The following TYW1 variants were observed in gnomAD, a reference collection of about 807,000 sequenced individuals.
TYW1 encodes the protein tRNA-yW synthesizing protein 1 homolog.
TYW1 carries 46 observed loss-of-function variants against 96.2 expected under a neutral mutation model. That is an observed-to-expected ratio of 0.48 (90% CI 0.38 to 0.61). TYW1 has a LOEUF of 0.61. TYW1 is among the 20% of genes least tolerant of loss of function. The pLI is 0.00. For missense variants in TYW1, 684 were observed against 909.6 expected (o/e 0.75, Z 3.19); for synonymous variants, 274 against 323.0 (o/e 0.85, Z 1.63).
At chr7:67,135,003 C>T (rs1393403144) in intron 13 of TYW1, among the ~76,000 whole-genome samples, 2 of 149,896 alleles carry the variant, frequency 1.3e-5, no homozygotes, top group Non-Finnish European at 3.0e-5. Flanking sequence ...TTCTTGTAGT[C>T]CCACCTACTT....
In TYW1 at chr7:67,173,051, A is replaced by T. The variant is rs537017843; in HGVS notation, c.1699-10075A>T. Among the ~76,000 whole-genome samples, 11 of 152,362 alleles carry T rather than the reference A, an allele frequency of 7.2e-5. No homozygotes were observed. The East Asian group carries it at 2.1e-3, about 29-fold the overall frequency. ...CCCTGTCTCAAAAAACAAAAACAAA[A>T]AAATTAAAAACAAAATATAAACACA... On this transcript the variant is annotated intron_variant, in intron 13 of 15. Coordinates refer to ENST00000359626, the MANE Select transcript of TYW1 (RefSeq NM_018264.4).
chr7:67,092,053 C>A (rs1438500052), intron 11 of TYW1, among the ~76,000 whole-genome samples: 1 of 152,170 alleles, frequency 6.6e-6, no homozygotes, highest in Non-Finnish European at 1.5e-5. Flanking sequence ...CGTGGTCCTC[C>A]TCCCTGTCCT....
chr7:67,174,824 T>C (rs1381165291), intron 13 of TYW1, among the ~76,000 whole-genome samples: 1 of 151,764 alleles, frequency 6.6e-6, no homozygotes, highest in Admixed American at 6.6e-5. Context: ...GAAATGAAAA[T>C]GAAACATCAC....
intron 13 of TYW1, 113 bp downstream of exon 13, chr7:67,117,731 T>C: frequency 1.5e-6 from 2 of 1,295,370 alleles, no homozygotes; most frequent in Non-Finnish European, 2.0e-6. Flanking sequence ...CTTTTCTCTT[T>C]AAAATAAAAA....
At chr7:67,135,611 T>G (rs1798229855) in intron 13 of TYW1, among the ~76,000 whole-genome samples, 2 of 151,340 alleles carry the variant, frequency 1.3e-5, no homozygotes, top group Admixed American at 6.6e-5. Context: ...CCAACAGTTT[T>G]TTTTTTTTTT....
At chr7:67,035,771 A>G (rs2129253018) in intron 7 of TYW1, among the ~76,000 whole-genome samples, 1 of 152,118 alleles carries the variant, frequency 6.6e-6, no homozygotes. Context: ...TCTACCTTCC[A>G]GGTTCAAGCG....
At chr7:67,066,164 C>T (rs1329389229) in intron 9 of TYW1, among the ~76,000 whole-genome samples, 1 of 152,108 alleles carries the variant, frequency 6.6e-6, no homozygotes, top group Non-Finnish European at 1.5e-5. Flanking sequence ...TGGATGACTT[C>T]CTCTGTTTTG....
At chr7:67,190,046 A>G (rs1800159579) in intron 14 of TYW1, among the ~76,000 whole-genome samples, 1 of 151,762 alleles carries the variant, frequency 6.6e-6, no homozygotes, top group African/African-American at 2.4e-5. Context: ...ACACCTTGAG[A>G]ATAGGACGTG....
chr7:67,041,032 A>T (rs999893052), intron 7 of TYW1, among the ~76,000 whole-genome samples: 2 of 152,124 alleles, frequency 1.3e-5, no homozygotes, highest in Non-Finnish European at 2.9e-5. Flanking sequence ...TTTGGGCTTT[A>T]TGAGCTTTAA....
intron 13 of TYW1, among the ~76,000 whole-genome samples, chr7:67,156,036 TAGGGCTTTGCTGGGAAGGGGATACC>T (rs1009009932): frequency 6.6e-6 from 1 of 152,142 alleles, no homozygotes; most frequent in Admixed American, 6.5e-5. Flanking sequence ...GAGGCTGTGG[TAGGGCTTTGCTGGGAAGGGGATACC>T]AGCCCGATCA....
At chr7:67,037,064 A>G (rs541419266) in intron 7 of TYW1, among the ~76,000 whole-genome samples, 23 of 152,236 alleles carry the variant, frequency 1.5e-4, no homozygotes, top group African/African-American at 5.5e-4. Flanking sequence ...TGATTGATTA[A>G]TTGATTGCCT....
At chr7:67,235,435 C>T (rs1042848776) in intron 15 of TYW1, among the ~76,000 whole-genome samples, 1 of 152,134 alleles carries the variant, frequency 6.6e-6, no homozygotes, top group Non-Finnish European at 1.5e-5. Context: ...GTCAGTCACC[C>T]CAGGCTCAGT....
intron 10 of TYW1, among the ~76,000 whole-genome samples, chr7:67,074,229 A>T (rs1301063614): frequency 6.6e-6 from 1 of 152,214 alleles, no homozygotes; most frequent in Non-Finnish European, 1.5e-5. Context: ...GGATCACATC[A>T]TACTTAGGTT....
chr7:67,187,726 A>G (rs1392155271), intron 14 of TYW1, among the ~76,000 whole-genome samples: 1 of 152,228 alleles, frequency 6.6e-6, no homozygotes, highest in Non-Finnish European at 1.5e-5. Flanking sequence ...TCAATGTTGT[A>G]TGTTCAGATG....
At chr7:67,111,092 G>A (rs1325242563) in intron 12 of TYW1, among the ~76,000 whole-genome samples, 1 of 152,116 alleles carries the variant, frequency 6.6e-6, no homozygotes, top group Non-Finnish European at 1.5e-5. Flanking sequence ...ACACATGAAA[G>A]GAAACAGAAT....
chr7:67,078,467 T>G (rs1223533243), intron 10 of TYW1, among the ~76,000 whole-genome samples: 1 of 152,174 alleles, frequency 6.6e-6, no homozygotes, highest in Admixed American at 6.5e-5. Context: ...CTTTGGCTAT[T>G]TGGGGATTTT....
In TYW1 at chr7:67,073,820, C is replaced by T. The variant is rs924877980; in HGVS notation, c.1274+6417C>T. 2.1e-5 allele frequency among the ~76,000 whole-genome samples: 3 copies of T among 143,368 alleles called. No individual in the cohort carries two copies. In the East Asian group the frequency reaches 6.3e-4, roughly 30 times the overall value. 94.1% of individuals were successfully genotyped at this position (143,368 alleles called of 152,430 possible). A position where few individuals can be genotyped will look rare whatever the true frequency, so the allele number is the denominator to read the frequency against. On this transcript the variant is annotated intron_variant, in intron 10 of 15. Transcript: ENST00000359626. ...AAATATGGCCAGGCGCGGTTGCTCA[C>T]GCCCATAATCCCAGCACTTCGGGAG...
At chr7:67,161,083 G>T (rs1183399218) in intron 13 of TYW1, among the ~76,000 whole-genome samples, 1 of 152,086 alleles carries the variant, frequency 6.6e-6, no homozygotes, top group Non-Finnish European at 1.5e-5. Flanking sequence ...TGTTATATTG[G>T]TTAGTTTTTC....
chr7:67,160,939 C>T (rs1244949578), intron 13 of TYW1, among the ~76,000 whole-genome samples: 2 of 152,142 alleles, frequency 1.3e-5, no homozygotes, highest in Non-Finnish European at 2.9e-5. Flanking sequence ...ATATTTCACC[C>T]TCCCCAAGTG....
Sources: allele counts gnomAD v4.1 joint callset (sites outside exome capture counted in the v4.1 genomes callset), GRCh38; gene constraint gnomAD v4.1.1; transcripts MANE v1.5; gene names NCBI Gene and HGNC (gene_info 2026-07-23, HGNC 2026-07-21).